KLHL30: variants seen among roughly 807,000 people sequenced by gnomAD.
KLHL30 encodes kelch like family member 30, also known as kelch-like protein 30.
Under a neutral mutation model 55.0 loss-of-function variants are expected in KLHL30, and 55 were observed. The ratio of observed to expected loss-of-function variants is 1.00; its 90% CI spans 0.80 to 1.25. The LOEUF is 1.25. KLHL30 is among the 50% of genes most tolerant of loss of function. KLHL30 has a pLI of 0.00. For missense variants in KLHL30, 786 were observed against 811.6 expected, an observed-to-expected ratio of 0.97 and a Z score of 0.38; for synonymous variants, 356 against 372.6, an observed-to-expected ratio of 0.96 and a Z score of 0.51.
intron 6 of KLHL30, 98 bp downstream of exon 6, chr2:238,148,120 T>C (rs1692681653): frequency 5.9e-6 from 7 of 1,178,344 alleles, no homozygotes; most frequent in South Asian, 2.2e-5. Flanking sequence ...CTCCTGAGGA[T>C]AGACGGGGCC....
chr2:238,151,455 G>C lies in KLHL30; in HGVS notation c.*390G>C, dbSNP rs1437357189. ...TGGAGCAGTTGCATGAATGTGGGGT[G>C]AACACGGAGCGTCCCAGAAAGCTGA... On this transcript the variant is annotated 3_prime_UTR_variant, in exon 8 of 8. Transcript: ENST00000409223. 3.8e-6 allele frequency: 1 copy of C among 260,954 alleles called. No homozygotes were observed. Among genetic ancestry groups the C allele is most frequent in the African/African-American group, 2.2e-5 (1 of 45,430 alleles). 16.2% of individuals were successfully genotyped at this position (260,954 alleles called of 1,614,324 possible).
At chr2:238,148,694 G>T (rs1692692341) in intron 6 of KLHL30, among the ~76,000 whole-genome samples, 1 of 148,090 alleles carries the variant, frequency 6.8e-6, no homozygotes, top group African/African-American at 2.5e-5. Flanking sequence ...GGGTGGGGTG[G>T]GTGGGGCGGC....
chr2:238,148,429 T>C (rs1002405846), intron 6 of KLHL30, among the ~76,000 whole-genome samples: 13 of 152,306 alleles, frequency 8.5e-5, no homozygotes, highest in African/African-American at 2.9e-4. Flanking sequence ...GAGGCCCATC[T>C]TGGGCTCTGG....
At chr2:238,144,432 A>AAGGCAGGAAGGAAGGCAGGC (rs1692608786) in intron 3 of KLHL30, among the ~76,000 whole-genome samples, 1 of 82,380 alleles carries the variant, frequency 1.2e-5, no homozygotes, top group African/African-American at 4.6e-5. Flanking sequence ...GGAAGGAAGG[A>AAGGCAGGAAGGAAGGCAGGC]AGGCAGGCAG....
chr2:238,144,430 G>A (rs868269368), intron 3 of KLHL30, among the ~76,000 whole-genome samples: 1 of 89,922 alleles, frequency 1.1e-5, no homozygotes. Context: ...AAGGAAGGAA[G>A]GAAGGCAGGC....
intron 1 of KLHL30, among the ~76,000 whole-genome samples, chr2:238,139,865 G>A (rs979592072): frequency 6.6e-6 from 1 of 152,206 alleles, no homozygotes; most frequent in African/African-American, 2.4e-5. Flanking sequence ...CTTAGGGTGC[G>A]ATACCAGAAG....
chr2:238,152,210 G>GACC lies in KLHL30; in HGVS notation c.*1147_*1149dup. The GACC allele has an allele frequency of 2.0e-6, 2 of 985,520 alleles. No individual in the cohort carries two copies. Among genetic ancestry groups the GACC allele is most frequent in the Non-Finnish European group, 2.4e-6 (2 of 830,036 alleles). The allele number at this position is 985,520 out of a possible 1,614,324, so 61.0% of individuals were successfully genotyped here. A position where few individuals can be genotyped will look rare whatever the true frequency, so the allele number is the denominator to read the frequency against. ...CGCCGGATCCAGGCTTCCTCTCCAGGACCAGCCCCTGGGTTCCTCCTTAAC... is the reference window on the plus strand; with the variant it reads ...CGCCGGATCCAGGCTTCCTCTCCAGGACCACCAGCCCCTGGGTTCCTCCTTAAC... On this transcript the variant is annotated 3_prime_UTR_variant, in exon 8 of 8. Coordinates refer to ENST00000409223, the MANE Select transcript of KLHL30 (RefSeq NM_198582.4).
chr2:238,148,810 G>A (rs1057466355), intron 6 of KLHL30, among the ~76,000 whole-genome samples, 197 bp from the exon 7 acceptor site: 4 of 152,202 alleles, frequency 2.6e-5, no homozygotes, highest in African/African-American at 9.6e-5. Context: ...ACTGTCCCCA[G>A]AGGGAAAGAT....
rs1186421878 is a variant in KLHL30 at position 238,151,075 on chromosome 2, A to AGGGTCCCCGGGGAG, written c.*12_*25dup. On this transcript the variant is annotated 3_prime_UTR_variant, in exon 8 of 8. Coordinates refer to ENST00000409223, the MANE Select transcript of KLHL30 (RefSeq NM_198582.4). ...CACCCAGGAGCACTAAACCAGGGCCAGGGTCCCCGGGGAGGAGTCCCCACA... is the reference window on the plus strand; with the variant it reads ...CACCCAGGAGCACTAAACCAGGGCCAGGGTCCCCGGGGAGGGGTCCCCGGGGAGGAGTCCCCACA... 1 of 1,579,416 alleles carries AGGGTCCCCGGGGAG rather than the reference A, an allele frequency of 6.3e-7. No homozygotes were observed. Among genetic ancestry groups the AGGGTCCCCGGGGAG allele is most frequent in the Non-Finnish European group, 8.6e-7 (1 of 1,162,134 alleles).
chr2:238,142,505 C>T (rs1225394274), intron 2 of KLHL30, among the ~76,000 whole-genome samples: 2 of 152,196 alleles, frequency 1.3e-5, no homozygotes, highest in African/African-American at 4.8e-5. Flanking sequence ...TGAGCCGGGA[C>T]ACCCTCGTGC....
intron 3 of KLHL30, among the ~76,000 whole-genome samples, chr2:238,144,146 G>A (rs1381827438): frequency 3.9e-5 from 6 of 152,204 alleles, no homozygotes; most frequent in African/African-American, 1.4e-4. Context: ...ACGACCCTAG[G>A]AACAATAATC....
chr2:238,149,191 C>T (rs1335038409), intron 7 of KLHL30, 39 bp downstream of exon 7: 1 of 1,608,228 alleles, frequency 6.2e-7, no homozygotes, highest in Admixed American at 1.7e-5. Flanking sequence ...GAGCCCCTGC[C>T]CAGGACTCCT....
rs769015306 is a variant in KLHL30, at chr2:238,147,822, C to T, written c.1151-12C>T. ...TCCCCAGCCCTGAACTGCCCCCGCC[C>T]TCACCCCACAGGCACCACCCTGGAC... On this transcript the variant is annotated splice_polypyrimidine_tract_variant and intron_variant, in intron 5 of 7. Transcript: ENST00000409223. The surrounding 1 kb of genome is among the most constrained non-coding windows in gnomAD (Gnocchi z 5.8). 9.5e-6 allele frequency: 14 copies of T among 1,469,804 alleles called. No individual in the cohort carries two copies. The highest frequency in any genetic ancestry group is 1.4e-5 in the African/African-American group (1 of 69,480). The allele number at this position is 1,469,804 out of a possible 1,614,324, so 91.0% of individuals were successfully genotyped here.
intron 5 of KLHL30, among the ~76,000 whole-genome samples, chr2:238,146,298 T>G (rs1574759110): frequency 6.6e-6 from 1 of 151,456 alleles, no homozygotes; most frequent in East Asian, 2.0e-4. Flanking sequence ...GAGGACTGCT[T>G]GGAGGAGGAC....
rs757329997 is a variant in KLHL30, at chr2:238,148,994, G to A, written c.1340-13G>A. ...ACCCTGGTGACGGTGGCCAGTGCCC[G>A]TGCCCCCCACAGATGCGTGGAGTGT... On this transcript the variant is annotated splice_polypyrimidine_tract_variant and intron_variant, in intron 6 of 7. Transcript: ENST00000409223. 1.4e-4 allele frequency: 214 copies of A among 1,577,672 alleles called. No individual in the cohort carries two copies. Among genetic ancestry groups the A allele is most frequent in the Non-Finnish European group, 1.7e-4 (199 of 1,162,346 alleles).
Position 238,147,785 on chromosome 2 carries a change from C to T in KLHL30, c.1151-49C>T. ...AAGCCCCAGCCCCTGAGTTTCCAGG[C>T]CTCCCCTCTCCTCCCCAGCCCTGAA... On this transcript the variant is annotated intron_variant, in intron 5 of 7. Transcript: ENST00000409223. The surrounding 1 kb of genome is among the most constrained non-coding windows in gnomAD (Gnocchi z 5.8). 8.0e-7 allele frequency: 1 copy of T among 1,253,170 alleles called. No homozygotes were observed. Among genetic ancestry groups the T allele is most frequent in the Non-Finnish European group, 1.1e-6 (1 of 950,904 alleles). 77.6% of individuals were successfully genotyped at this position (1,253,170 alleles called of 1,614,324 possible). A position where few individuals can be genotyped will look rare whatever the true frequency, so the allele number is the denominator to read the frequency against.
At position 238,152,490 on chromosome 2, in the gene KLHL30, T is replaced by C. The variant is rs1692775756; in HGVS notation, c.*1425T>C. On this transcript the variant is annotated 3_prime_UTR_variant, in exon 8 of 8. Transcript: ENST00000409223. ...TTCAAGAGATTCTCCTGCCTTAGCC[T>C]CTCAAGTAGCTGGGATTACAGGCAC... is the stretch of plus-strand genomic sequence containing the variant. 6.7e-6 allele frequency: 1 copy of C among 150,170 alleles called. No homozygotes were observed. The highest frequency in any genetic ancestry group is 1.5e-5 in the Non-Finnish European group (1 of 67,980). 9.3% of individuals were successfully genotyped at this position (150,170 alleles called of 1,614,324 possible).
At position 238,150,970 on chromosome 2, in the gene KLHL30, G is replaced by A. The variant is rs1007756444; in HGVS notation, c.1642G>A (p.Ala548Thr). ...TVRDTWTRHG[A>T]LPRLWLYHGA... is the part of the protein sequence containing the mutation. ...TCGGGACACCTGGACCCGCCACGGC[G>A]CCCTGCCCCGGCTCTGGCTCTACCA... is the stretch of plus-strand genomic sequence containing the variant. Residue 548 changes from alanine to threonine, a missense_variant, in exon 8 of 8, where the codon GCC (alanine) becomes ACC (threonine). By Grantham distance (58) the Ala-to-Thr change is moderately conservative (BLOSUM62 0). Transcript: ENST00000409223. 36 of 1,588,520 alleles carry A rather than the reference G, an allele frequency of 2.3e-5. No homozygotes were observed. The East Asian group carries it at 3.2e-4, about 14-fold the overall frequency.
rs1692780885 is a variant in KLHL30 at position 238,152,737 on chromosome 2, CCTT to C, written c.*1674_*1676del. On this transcript the variant is annotated 3_prime_UTR_variant, in exon 8 of 8. Transcript: ENST00000409223. ...GAACAAGAGCCCAGAGCTGAGGAGA[CCTT>C]CGGTGGCAGATGGATTGGATGAAGC... 1.3e-5 allele frequency: 2 copies of C among 152,020 alleles called. No homozygotes were observed. The highest frequency in any genetic ancestry group is 4.8e-5 in the African/African-American group (2 of 41,348). 9.4% of individuals were successfully genotyped at this position (152,020 alleles called of 1,614,324 possible). A position where few individuals can be genotyped will look rare whatever the true frequency, so the allele number is the denominator to read the frequency against.
Sources: gnomAD v4.1 joint callset for allele counts (sites outside exome capture counted in the v4.1 genomes callset) on GRCh38, gnomAD v4.1.1 for gene constraint, Gnocchi (gnomAD v3.1) non-coding constraint, MANE v1.5 for transcripts, NCBI Gene and HGNC (gene_info 2026-07-23, HGNC 2026-07-21) for gene names.